Variants in FREM2 observed in about 807,000 individuals in gnomAD.
The protein encoded by FREM2 is FRAS1-related extracellular matrix protein 2.
A neutral mutation model predicts 219.9 loss-of-function variants in FREM2; 119 were observed. That is an observed-to-expected ratio of 0.54 (90% CI 0.47 to 0.63). The LOEUF is 0.63. FREM2 is among the 30% of genes least tolerant of loss of function. FREM2 has a pLI of 0.00. For synonymous variants in FREM2, 1,562 were observed against 1,522.8 expected (o/e 1.03, Z -0.60); for missense variants, 4,030 against 3,993.6 (o/e 1.01, Z -0.25).
chr13:38,703,669 T>G (rs1870426849), intron 2 of FREM2, among the ~76,000 whole-genome samples: 1 of 152,190 alleles, frequency 6.6e-6, no homozygotes, highest in Non-Finnish European at 1.5e-5. Flanking sequence ...CTCAAGTTTT[T>G]ATACCTTTTA....
intron 2 of FREM2, among the ~76,000 whole-genome samples, chr13:38,718,694 C>T (rs1020445514): frequency 5.9e-5 from 9 of 152,112 alleles, no homozygotes; most frequent in African/African-American, 2.2e-4. Flanking sequence ...AGAGATTATT[C>T]TGTAATATTT....
Position 38,860,045 on chromosome 13 carries a change from G to A in FREM2, c.7519+455G>A, listed in dbSNP as rs568776203. 3.3e-4 allele frequency among the ~76,000 whole-genome samples: 50 copies of A among 152,172 alleles called. No individual in the cohort carries two copies. The South Asian group carries it at 5.0e-3, about 15-fold the overall frequency. On this transcript the variant is annotated intron_variant, in intron 14 of 23. Coordinates refer to ENST00000280481, the MANE Select transcript of FREM2 (RefSeq NM_207361.6). Reference sequence around the variant, plus strand: ...AACTCATAAAAGCAAGAAAGAATGCGGGATATTGTGGGAATGGCAAGCAGA... The same window carrying A: ...AACTCATAAAAGCAAGAAAGAATGCAGGATATTGTGGGAATGGCAAGCAGA...
chr13:38,859,248 C>T (rs1354932783), intron 13 of FREM2, 39 bp from the exon 14 acceptor site: 1 of 1,598,214 alleles, frequency 6.3e-7, no homozygotes, highest in East Asian at 2.2e-5. Flanking sequence ...TCCACCTGTT[C>T]TACACTCTGT....
At chr13:38,795,691 T>G (rs1874742376) in intron 6 of FREM2, among the ~76,000 whole-genome samples, 1 of 152,196 alleles carries the variant, frequency 6.6e-6, no homozygotes, top group Non-Finnish European at 1.5e-5. Context: ...TAATTTGTTC[T>G]GTATAATTAC....
At chr13:38,757,221 A>T (rs1404560329) in intron 2 of FREM2, among the ~76,000 whole-genome samples, 2 of 152,218 alleles carry the variant, frequency 1.3e-5, no homozygotes, top group Non-Finnish European at 2.9e-5. Context: ...GGATGGGTAT[A>T]TATGTAACCA....
At chr13:38,700,608 C>CAAA (rs148489706) in intron 2 of FREM2, among the ~76,000 whole-genome samples, 2 of 151,612 alleles carry the variant, frequency 1.3e-5, no homozygotes. Context: ...ACAAAAACAG[C>CAAA]AAAAAAAACT....
intron 6 of FREM2, among the ~76,000 whole-genome samples, chr13:38,808,680 G>T (rs969877612): frequency 6.6e-6 from 1 of 151,814 alleles, no homozygotes; most frequent in Non-Finnish European, 1.5e-5. Flanking sequence ...TTCTATGGGC[G>T]CTGTTTGTGG....
intron 6 of FREM2, among the ~76,000 whole-genome samples, chr13:38,824,133 G>C (rs531432848): frequency 6.6e-6 from 1 of 152,070 alleles, no homozygotes; most frequent in African/African-American, 2.4e-5. Context: ...CAGAGTGGTA[G>C]TATTGTGGGA....
intron 2 of FREM2, among the ~76,000 whole-genome samples, chr13:38,741,033 T>C (rs1872220637): frequency 6.6e-6 from 1 of 152,220 alleles, no homozygotes; most frequent in African/African-American, 2.4e-5. Flanking sequence ...GTTCTTTTGC[T>C]TTATACTCAT....
At chr13:38,751,657 A>G (rs1271936804) in intron 2 of FREM2, among the ~76,000 whole-genome samples, 3 of 152,172 alleles carry the variant, frequency 2.0e-5, no homozygotes, top group Admixed American at 2.0e-4. Context: ...TAATGTATGT[A>G]TAGTATTTGG....
intron 6 of FREM2, among the ~76,000 whole-genome samples, chr13:38,815,292 G>T (rs943614600): frequency 1.3e-5 from 2 of 152,038 alleles, no homozygotes; most frequent in Admixed American, 1.3e-4. Flanking sequence ...CAGGCATTTT[G>T]TACATGCCTT....
intron 6 of FREM2, among the ~76,000 whole-genome samples, chr13:38,809,338 G>A (rs1875383642): frequency 6.6e-6 from 1 of 151,134 alleles, no homozygotes. Flanking sequence ...GTACGTAGTA[G>A]GTGTATATAT....
intron 9 of FREM2, 117 bp downstream of exon 9, chr13:38,850,352 T>G: frequency 1.2e-6 from 1 of 829,540 alleles, no homozygotes; most frequent in East Asian, 2.6e-5. Context: ...CATGGTTTTA[T>G]GTGCAATAAA....
Position 38,687,145 on chromosome 13 carries a change from C to A in FREM2, c.-200C>A. On this transcript the variant is annotated 5_prime_UTR_variant, in exon 1 of 24. Transcript: ENST00000280481. ...GGCGGAGCTGGACGGCCTGGGAAGG[C>A]TTCGGCTCCTCGGCTGCGGCTCCAG... 1.5e-6 allele frequency: 1 copy of A among 678,844 alleles called. No homozygotes were observed. The highest frequency in any genetic ancestry group is 2.5e-6 in the Non-Finnish European group (1 of 403,144). The allele number at this position is 678,844 out of a possible 1,614,324, so 42.1% of individuals were successfully genotyped here.
chr13:38,814,675 A>C (rs1875689548), intron 6 of FREM2, among the ~76,000 whole-genome samples: 1 of 152,140 alleles, frequency 6.6e-6, no homozygotes, highest in Non-Finnish European at 1.5e-5. Context: ...CAGGCCCCAA[A>C]TGTGTCCAGG....
intron 3 of FREM2, among the ~76,000 whole-genome samples, chr13:38,764,890 T>C (rs912837678): frequency 6.6e-6 from 1 of 152,358 alleles, no homozygotes; most frequent in South Asian, 2.1e-4. Flanking sequence ...AAACCTTTTT[T>C]CAACTCCAAT....
intron 2 of FREM2, among the ~76,000 whole-genome samples, chr13:38,744,553 G>T (rs545567711): frequency 3.9e-5 from 6 of 151,922 alleles, no homozygotes; most frequent in African/African-American, 1.5e-4. Context: ...GCGCAGTGGC[G>T]TGATCTCGGC....
At position 38,687,716 on chromosome 13, in the gene FREM2, C is replaced by T; in HGVS notation, c.372C>T (p.Pro124=). The T allele has an allele frequency of 6.4e-7, 1 of 1,556,534 alleles. No individual in the cohort carries two copies. The highest frequency in any genetic ancestry group is 8.7e-7 in the Non-Finnish European group (1 of 1,148,620). ...CCCAGCGACCGGGCCGCCTGAGTCC[C>T]AAGCGCTTCCCGTGCGACTTTGGCC... ...ALAQRPGRLS[P]KRFPCDFGPG... is the part of the protein sequence containing the mutation. The change falls in exon 1 of 24, where the codon CCC becomes CCT. Residue 124 remains proline (P), a synonymous_variant. Coordinates refer to ENST00000280481, the MANE Select transcript of FREM2 (RefSeq NM_207361.6).
chr13:38,862,233 G>C (rs978273843), intron 15 of FREM2, among the ~76,000 whole-genome samples: 2 of 152,188 alleles, frequency 1.3e-5, no homozygotes, highest in Non-Finnish European at 2.9e-5. Context: ...AATACGATTA[G>C]GAGCTGCAAC....
Sources: allele counts gnomAD v4.1 joint callset (sites outside exome capture counted in the v4.1 genomes callset), GRCh38; gene constraint gnomAD v4.1.1; transcripts MANE v1.5; gene names NCBI Gene and HGNC (gene_info 2026-07-23, HGNC 2026-07-21).